CDKL5: variants seen among roughly 807,000 people sequenced by gnomAD.
CDKL5 encodes the protein cyclin dependent kinase like 5, also known as cyclin-dependent kinase-like 5.
A neutral mutation model predicts 61.7 loss-of-function variants in CDKL5; 8 were observed. That is an observed-to-expected ratio of 0.13 (90% confidence interval 0.08 to 0.23). CDKL5 has a LOEUF of 0.23. Among genes scored for constraint, CDKL5 ranks in the 10% least tolerant of loss-of-function variants. CDKL5 has a pLI of 1.00. For missense variants in CDKL5, 440 were observed against 734.5 expected, an observed-to-expected ratio of 0.60 and a Z score of 4.63; for synonymous variants, 275 against 272.3, an observed-to-expected ratio of 1.01 and a Z score of -0.10.
chrX:18,595,459 T>C, intron 10 of CDKL5, 31 bp downstream of exon 10: 4 of 965,449 alleles, frequency 4.1e-6, no homozygotes, highest in South Asian at 1.9e-5. Flanking sequence ...CTCTATAAAA[T>C]GTCTTTTGGT....
intron 1 of CDKL5, among the ~76,000 whole-genome samples, chrX:18,458,682 C>T (rs1386777089): frequency 9.1e-6 from 1 of 110,123 alleles, no homozygotes; most frequent in Non-Finnish European, 1.9e-5. Flanking sequence ...TATTGCACCG[C>T]TGCATTCCAG....
At chrX:18,511,596 CTATACCATG>C (rs1922831918) in intron 3 of CDKL5, among the ~76,000 whole-genome samples, 1 of 111,649 alleles carries the variant, frequency 9.0e-6, no homozygotes, top group South Asian at 3.7e-4. Context: ...AAACAATAGG[CTATACCATG>C]TAGCCTAGAT....
chrX:18,650,376 A>G (rs1317682563), intron 20 of CDKL5: 2 of 1,203,874 alleles, frequency 1.7e-6, no homozygotes, highest in Non-Finnish European at 2.3e-6. Context: ...CCGGGCCCCA[A>G]GCTTCATTCC....
chrX:18,483,494 T>C (rs925643705), intron 1 of CDKL5, among the ~76,000 whole-genome samples: 6 of 110,663 alleles, frequency 5.4e-5, no homozygotes, highest in Non-Finnish European at 1.1e-4. Flanking sequence ...TTTGGCTCAC[T>C]GCAACCTCTG....
chrX:18,523,503 T>A lies in CDKL5; in HGVS notation c.99+12649T>A, dbSNP rs891377983. On this transcript the variant is annotated intron_variant, in intron 3 of 17. Coordinates refer to ENST00000623535, the MANE Select transcript of CDKL5 (RefSeq NM_001323289.2). ...AATATTGGAACAACATATAACAATA[T>A]TATATGGTTGAACCTTGAAAACATC... 6.2e-5 allele frequency among the ~76,000 whole-genome samples: 7 copies of A among 112,089 alleles called. No homozygotes were observed. In the Admixed American group the frequency reaches 6.7e-4, roughly 11 times the overall value.
chrX:18,533,027 A>G (rs2147110407), intron 3 of CDKL5, among the ~76,000 whole-genome samples: 1 of 112,028 alleles, frequency 8.9e-6, no homozygotes, highest in South Asian at 3.7e-4. Context: ...TTTGTCTTTG[A>G]GAATTAAATA....
intron 1 of CDKL5, among the ~76,000 whole-genome samples, chrX:18,432,298 A>G (rs1602185737): frequency 9.2e-6 from 1 of 108,885 alleles, no homozygotes; most frequent in African/African-American, 3.3e-5. Context: ...GGGTTTCACC[A>G]TGTTGGCCAG....
chrX:18,630,998 T>C lies in CDKL5; in HGVS notation c.*2241T>C, dbSNP rs778839444. The C allele has an allele frequency of 3.4e-4, 255 of 746,082 alleles. No homozygotes were observed. Among genetic ancestry groups the C allele is most frequent in the Non-Finnish European group, 3.9e-4 (248 of 637,542 alleles). 61.5% of individuals were successfully genotyped at this position (746,082 alleles called of 1,213,427 possible). A position where few individuals can be genotyped will look rare whatever the true frequency, so the allele number is the denominator to read the frequency against. On this transcript the variant is annotated 3_prime_UTR_variant, in exon 18 of 18. Transcript: ENST00000623535. ...TGCAAACCAGAAACTACACTTTTTT[T>C]CTCTGGAAAGACTTCTCACTGTGCT...
At chrX:18,643,473 G>A (rs1462206180), downstream of CDKL5, among the ~76,000 whole-genome samples, 1 of 112,497 alleles carries the variant, frequency 8.9e-6, no homozygotes, top group South Asian at 3.7e-4. Context: ...TTGCACAAGT[G>A]CAGGGGTGAA....
chrX:18,571,210 A>G lies in CDKL5; in HGVS notation c.146-4144A>G, dbSNP rs377668807. ...AGGATCTTTGTTGAGTTTTTCTTCC[A>G]CCCATACTATGCCGCCTTGCCGTTC... On this transcript the variant is annotated intron_variant, in intron 4 of 17. Coordinates refer to ENST00000623535, the MANE Select transcript of CDKL5 (RefSeq NM_001323289.2). Among the ~76,000 whole-genome samples, 19 of 111,095 alleles carry G rather than the reference A, an allele frequency of 1.7e-4. No homozygotes were observed. In the East Asian group the frequency reaches 4.8e-3, roughly 28 times the overall value.
chrX:18,526,376 A>G (rs934661594), intron 3 of CDKL5, among the ~76,000 whole-genome samples: 2 of 111,714 alleles, frequency 1.8e-5, no homozygotes, highest in Non-Finnish European at 3.8e-5. Flanking sequence ...GATTTTCTAC[A>G]TAGACAGTCA....
At chrX:18,463,245 C>T (rs368998715) in intron 1 of CDKL5, among the ~76,000 whole-genome samples, 3 of 108,072 alleles carry the variant, frequency 2.8e-5, no homozygotes, top group African/African-American at 1.0e-4. Context: ...GACGCAAAGG[C>T]CACATGGTGC....
At chrX:18,504,865 G>A (rs1434662858) in intron 1 of CDKL5, among the ~76,000 whole-genome samples, 2 of 106,898 alleles carry the variant, frequency 1.9e-5, no homozygotes, top group African/African-American at 6.9e-5. Flanking sequence ...CCCGGGAGGC[G>A]GAGCTTGCAG....
Position 18,461,749 on chromosome X carries a change from A to G in CDKL5, c.-163+36054A>G, listed in dbSNP as rs1056599503. The stretch of plus-strand genomic sequence containing the variant: ...CAGCAAGTTTCAAACTGAGTTCTTG[A>G]TATTTGCAAGGTTCTGTGCTAGGCA... On this transcript the variant is annotated intron_variant, in intron 1 of 17. Coordinates refer to ENST00000623535, the MANE Select transcript of CDKL5 (RefSeq NM_001323289.2). Among the ~76,000 whole-genome samples, 6 of 112,222 alleles carry G rather than the reference A, an allele frequency of 5.3e-5. No homozygotes were observed. The Admixed American group carries it at 5.7e-4, about 11-fold the overall frequency.
intron 14 of CDKL5, among the ~76,000 whole-genome samples, chrX:18,610,892 C>A (rs1020725442): frequency 1.4e-4 from 16 of 111,938 alleles, no homozygotes; most frequent in African/African-American, 5.2e-4. Flanking sequence ...TAACTTCCCA[C>A]TATTTCTGTT....
At chrX:18,510,018 GA>G (rs1164820299) in intron 2 of CDKL5, among the ~76,000 whole-genome samples, 1,268 of 62,653 alleles carry the variant, frequency 0.02, 4 homozygotes, top group African/African-American at 0.043. Context: ...AAACAAAACA[GA>G]AAAAAAAAAA....
chrX:18,607,622 G>A (rs1424880780), intron 12 of CDKL5, among the ~76,000 whole-genome samples: 1 of 111,823 alleles, frequency 8.9e-6, no homozygotes, highest in African/African-American at 3.3e-5. Flanking sequence ...CTGCAAGAAA[G>A]TACAAGTTTA....
chrX:18,482,350 C>T (rs1169869184), intron 1 of CDKL5, among the ~76,000 whole-genome samples: 1 of 111,870 alleles, frequency 8.9e-6, no homozygotes, highest in Non-Finnish European at 1.9e-5. Context: ...TTCATTGCCC[C>T]ATCTTGTTTT....
chrX:18,560,275 C>A (rs1924756809), intron 3 of CDKL5, among the ~76,000 whole-genome samples: 1 of 111,497 alleles, frequency 9.0e-6, no homozygotes. Flanking sequence ...CCTATTTCTC[C>A]ACATCCTCTC....
Sources: allele counts gnomAD v4.1 joint callset (sites outside exome capture counted in the v4.1 genomes callset), GRCh38; gene constraint gnomAD v4.1.1; transcripts MANE v1.5; gene names NCBI Gene and HGNC (gene_info 2026-07-23, HGNC 2026-07-21).